Variants in ZBTB8OS observed in about 807,000 individuals in gnomAD.
ZBTB8OS encodes the protein tRNA splicing ligase complex subunit 1, also known as tRNA-splicing ligase-activating factor archease.
In ZBTB8OS, 16 loss-of-function variants were observed where a neutral mutation model predicts 29.3. That is an observed-to-expected ratio of 0.55 (90% confidence interval 0.37 to 0.83). The LOEUF is 0.83. Among genes scored for constraint, ZBTB8OS ranks in the 40% least tolerant of loss-of-function variants. The pLI is 0.00. For synonymous variants in ZBTB8OS, 70 were observed against 64.6 expected, an observed-to-expected ratio of 1.08 and a Z score of -0.40; for missense variants, 160 against 196.9, an observed-to-expected ratio of 0.81 and a Z score of 1.12.
At chr1:32,622,372 C>T (rs1644815827) in intron 6 of ZBTB8OS, among the ~76,000 whole-genome samples, 2 of 152,178 alleles carry the variant, frequency 1.3e-5, no homozygotes, top group Non-Finnish European at 2.9e-5. Context: ...CACACATACA[C>T]CATAGAATAC....
intron 6 of ZBTB8OS, among the ~76,000 whole-genome samples, chr1:32,623,878 G>C (rs1477196909): frequency 6.6e-6 from 1 of 152,088 alleles, no homozygotes; most frequent in African/African-American, 2.4e-5. Flanking sequence ...ATCTCATCTT[G>C]AACTGTAGTG....
chr1:32,623,555 CAATG>C (rs1644890114), intron 6 of ZBTB8OS, among the ~76,000 whole-genome samples: 1 of 152,162 alleles, frequency 6.6e-6, no homozygotes, highest in African/African-American at 2.4e-5. Flanking sequence ...AGCCTGATTG[CAATG>C]AATGGCTTGT....
At chr1:32,623,035 A>G (rs1241486608) in intron 6 of ZBTB8OS, among the ~76,000 whole-genome samples, 1 of 152,318 alleles carries the variant, frequency 6.6e-6, no homozygotes, top group East Asian at 1.9e-4. Context: ...CCCCAGTTTA[A>G]AACCACAGAA....
intron 1 of ZBTB8OS, among the ~76,000 whole-genome samples, chr1:32,646,025 A>G (rs1173981714): frequency 6.6e-6 from 1 of 152,132 alleles, no homozygotes; most frequent in Non-Finnish European, 1.5e-5. Context: ...TACTTCAATA[A>G]AAGATGTATT....
chr1:32,644,084 T>A (rs544759003), intron 1 of ZBTB8OS, among the ~76,000 whole-genome samples: 8 of 152,060 alleles, frequency 5.3e-5, no homozygotes, highest in African/African-American at 1.9e-4. Flanking sequence ...TTAAAACAAT[T>A]TTACGGAAGT....
intron 4 of ZBTB8OS, chr1:32,633,182 GA>G (rs3831937): frequency 0.16 from 25,094 of 152,184 alleles, 4,299 homozygotes; most frequent in African/African-American, 0.43. Flanking sequence ...GGAACAAAAG[GA>G]AAAAATGGAT....
intron 1 of ZBTB8OS, among the ~76,000 whole-genome samples, chr1:32,638,134 G>A (rs965842500): frequency 6.6e-6 from 1 of 150,476 alleles, no homozygotes; most frequent in Non-Finnish European, 1.5e-5. Flanking sequence ...ACCGCGCCCA[G>A]ACTAAATTAT....
chr1:32,637,871 T>C (rs186036936), intron 1 of ZBTB8OS, among the ~76,000 whole-genome samples: 1 of 152,254 alleles, frequency 6.6e-6, no homozygotes, highest in East Asian at 1.9e-4. Context: ...TCTCGCTCTG[T>C]AGCCCCGGCT....
intron 1 of ZBTB8OS, among the ~76,000 whole-genome samples, chr1:32,643,865 G>A (rs376829845): frequency 2.4e-4 from 37 of 151,442 alleles, no homozygotes; most frequent in African/African-American, 8.7e-4. Flanking sequence ...GGTTGCACAG[G>A]TTGCTCAAAC....
intron 1 of ZBTB8OS, among the ~76,000 whole-genome samples, chr1:32,641,827 G>A (rs1283127558): frequency 1.3e-5 from 2 of 151,660 alleles, no homozygotes; most frequent in Non-Finnish European, 2.9e-5. Flanking sequence ...AGGCTGAGGC[G>A]GGAGAATGGC....
rs1400702296 is a variant in ZBTB8OS at position 32,621,363 on chromosome 1, C to A, written c.*499G>T. Reference sequence around the variant, plus strand: ...GCAGTAAGCCGAGCTCACACCACTGCGCTTCAGCCTGGGCTACAGAGCGAG... The same window carrying A: ...GCAGTAAGCCGAGCTCACACCACTGAGCTTCAGCCTGGGCTACAGAGCGAG... On this transcript the variant is annotated 3_prime_UTR_variant, in exon 7 of 7. Coordinates refer to ENST00000468695, the MANE Select transcript of ZBTB8OS (RefSeq NM_178547.5). 6.7e-6 allele frequency: 1 copy of A among 148,342 alleles called. No homozygotes were observed. The highest frequency in any genetic ancestry group is 1.5e-5 in the Non-Finnish European group (1 of 68,146). 9.2% of individuals were successfully genotyped at this position (148,342 alleles called of 1,614,324 possible).
In ZBTB8OS at chr1:32,621,491, A is replaced by G. The variant is rs1644754358; in HGVS notation, c.*371T>C. 5.7e-6 allele frequency: 1 copy of G among 175,704 alleles called. No individual in the cohort carries two copies. The highest frequency in any genetic ancestry group is 2.4e-5 in the African/African-American group (1 of 42,202). The allele number at this position is 175,704 out of a possible 1,614,324, so 10.9% of individuals were successfully genotyped here. On this transcript the variant is annotated 3_prime_UTR_variant, in exon 7 of 7. Transcript: ENST00000468695. ...GTGTGGAAATATATTTTTTCAAGTT[A>G]TTCTTCTTTCAACCTGGATTCAGCC...
Position 32,621,641 on chromosome 1 carries a change from G to A in ZBTB8OS, c.*221C>T, listed in dbSNP as rs1182802754. 3 of 506,576 alleles carry A rather than the reference G, an allele frequency of 5.9e-6. No individual in the cohort carries two copies. The highest frequency in any genetic ancestry group is 1.0e-5 in the Non-Finnish European group (3 of 290,660). The allele number at this position is 506,576 out of a possible 1,614,324, so 31.4% of individuals were successfully genotyped here. On this transcript the variant is annotated 3_prime_UTR_variant, in exon 7 of 7. Coordinates refer to ENST00000468695, the MANE Select transcript of ZBTB8OS (RefSeq NM_178547.5). ...ATCAAAGGACCATAACTGTCCCTTGGGGGGTTGAAGAATTCTTTAAAGTGT... is the reference window on the plus strand; with the variant it reads ...ATCAAAGGACCATAACTGTCCCTTGAGGGGTTGAAGAATTCTTTAAAGTGT...
At chr1:32,644,954 G>A (rs1473614616) in intron 1 of ZBTB8OS, among the ~76,000 whole-genome samples, 1 of 151,982 alleles carries the variant, frequency 6.6e-6, no homozygotes, top group Non-Finnish European at 1.5e-5. Flanking sequence ...GCCGAGGTGG[G>A]CAGATCACGA....
intron 6 of ZBTB8OS, among the ~76,000 whole-genome samples, chr1:32,626,890 C>G (rs1373663013): frequency 1.3e-5 from 2 of 152,122 alleles, no homozygotes; most frequent in Non-Finnish European, 2.9e-5. Flanking sequence ...AAAATCAAAA[C>G]AATGACATTT....
At position 32,645,829 on chromosome 1, in the gene ZBTB8OS, C is replaced by T. The variant is rs1015506021; in HGVS notation, c.97+4604G>A. ...TGTACCACCAGTACAAATATCAACA[C>T]AGTGAAAACAATAACACCTCAGTAT... On this transcript the variant is annotated intron_variant, in intron 1 of 6. Coordinates refer to ENST00000468695, the MANE Select transcript of ZBTB8OS (RefSeq NM_178547.5). Among the ~76,000 whole-genome samples, 154 of 152,226 alleles carry T rather than the reference C, an allele frequency of 1.0e-3. 2 individuals carry two copies. The highest frequency in any genetic ancestry group is 7.4e-5 in the Non-Finnish European group (5 of 68,024).
intron 1 of ZBTB8OS, among the ~76,000 whole-genome samples, chr1:32,645,667 A>G (rs1367168565): frequency 6.6e-6 from 1 of 152,100 alleles, no homozygotes; most frequent in African/African-American, 2.4e-5. Context: ...GTAGCCCAGG[A>G]TAGAGTGCAG....
At chr1:32,635,032 C>T (rs756441135) in intron 1 of ZBTB8OS, among the ~76,000 whole-genome samples, 3 of 151,286 alleles carry the variant, frequency 2.0e-5, no homozygotes, top group Non-Finnish European at 4.4e-5. Flanking sequence ...GCACTCCAGC[C>T]TGGGCAACAG....
chr1:32,641,265 G>GTTT (rs1160526101), intron 1 of ZBTB8OS, among the ~76,000 whole-genome samples: 16 of 97,266 alleles, frequency 1.6e-4, no homozygotes, highest in East Asian at 6.6e-4. Context: ...AATTACACAA[G>GTTT]TTTTTTTTTT....
Sources: gnomAD v4.1 joint callset for allele counts (sites outside exome capture counted in the v4.1 genomes callset) on GRCh38, gnomAD v4.1.1 for gene constraint, MANE v1.5 for transcripts, NCBI Gene and HGNC (gene_info 2026-07-23, HGNC 2026-07-21) for gene names.